Variants in CACNA1E observed in about 807,000 individuals in gnomAD.
CACNA1E encodes voltage-dependent R-type calcium channel subunit alpha-1E.
A neutral mutation model predicts 259.2 loss-of-function variants in CACNA1E; 40 were observed. That is an observed-to-expected ratio of 0.15 (90% CI 0.12 to 0.20). The LOEUF is 0.20. CACNA1E is among the 10% of genes least tolerant of loss of function. CACNA1E has a pLI of 1.00. For synonymous variants in CACNA1E, 1,104 were observed against 1,138.5 expected (o/e 0.97, Z 0.61); for missense variants, 1,874 against 3,040.1 (o/e 0.62, Z 9.02).
At chr1:181,751,991 G>A (rs911357563) in intron 26 of CACNA1E, 152 bp from the exon 27 acceptor site, 1 of 710,626 alleles carries the variant, frequency 1.4e-6, no homozygotes, top group South Asian at 1.5e-5. Context: ...GGATGTCCCT[G>A]GAGTCAAATC....
intron 21 of CACNA1E, among the ~76,000 whole-genome samples, chr1:181,735,414 C>T (rs1387965191): frequency 2.6e-5 from 4 of 152,196 alleles, no homozygotes; most frequent in Middle Eastern, 3.2e-3. Flanking sequence ...CCAGGACCAC[C>T]GAGGTCCACT....
At chr1:181,672,283 G>A (rs1251465162) in intron 7 of CACNA1E, among the ~76,000 whole-genome samples, 1 of 152,062 alleles carries the variant, frequency 6.6e-6, no homozygotes. Flanking sequence ...TAACTATTGG[G>A]TACTAAGTTT....
intron 6 of CACNA1E, among the ~76,000 whole-genome samples, chr1:181,634,541 CT>C (rs1657030666): frequency 6.6e-6 from 1 of 152,198 alleles, no homozygotes; most frequent in African/African-American, 2.4e-5. Context: ...GTCTAATTGG[CT>C]GTAAACTTGC....
intron 18 of CACNA1E, among the ~76,000 whole-genome samples, chr1:181,727,712 G>C (rs937869476): frequency 2.0e-5 from 3 of 152,196 alleles, no homozygotes; most frequent in African/African-American, 7.2e-5. Flanking sequence ...ATCGGGGCCT[G>C]CATGAGGACT....
intron 3 of CACNA1E, among the ~76,000 whole-genome samples, chr1:181,525,158 G>A (rs1304680365): frequency 6.6e-6 from 1 of 152,290 alleles, no homozygotes; most frequent in East Asian, 1.9e-4. Context: ...AAAAAACTGG[G>A]AATAAATGTG....
intron 2 of CACNA1E, among the ~76,000 whole-genome samples, chr1:181,455,336 A>G (rs1294849298): frequency 6.6e-6 from 1 of 152,176 alleles, no homozygotes; most frequent in Non-Finnish European, 1.5e-5. Flanking sequence ...AAGGACAAGG[A>G]CAAACACTGA....
At chr1:181,638,868 T>G (rs1311627205) in intron 6 of CACNA1E, among the ~76,000 whole-genome samples, 1 of 152,198 alleles carries the variant, frequency 6.6e-6, no homozygotes, top group Non-Finnish European at 1.5e-5. Flanking sequence ...CTACCATGAT[T>G]GTAAGTTTCC....
At chr1:181,701,758 T>C (rs954154450) in intron 7 of CACNA1E, among the ~76,000 whole-genome samples, 3 of 152,230 alleles carry the variant, frequency 2.0e-5, no homozygotes, top group Non-Finnish European at 4.4e-5. Context: ...TTTTCAATAT[T>C]CATAGTACAT....
At chr1:181,724,281 CCT>C (rs1463269051) in intron 16 of CACNA1E, among the ~76,000 whole-genome samples, 187 bp from the exon 17 acceptor site, 1 of 152,118 alleles carries the variant, frequency 6.6e-6, no homozygotes, top group Non-Finnish European at 1.5e-5. Context: ...GAAGAAATAT[CCT>C]CTTTCTCCTT....
intron 1 of CACNA1E, among the ~76,000 whole-genome samples, chr1:181,409,385 G>A (rs1657687845): frequency 6.6e-6 from 1 of 152,136 alleles, no homozygotes; most frequent in Admixed American, 6.5e-5. Flanking sequence ...TGGCCAAAAT[G>A]GTCACATGGC....
intron 2 of CACNA1E, among the ~76,000 whole-genome samples, chr1:181,460,539 T>G (rs1661732397): frequency 6.6e-6 from 1 of 152,194 alleles, no homozygotes. Context: ...TCATCACCTG[T>G]TGAACATAGA....
At chr1:181,391,481 T>C (rs1201186548) in intron 1 of CACNA1E, among the ~76,000 whole-genome samples, 1 of 152,036 alleles carries the variant, frequency 6.6e-6, no homozygotes, top group African/African-American at 2.4e-5. Context: ...ACCTGGAACC[T>C]ACTCAACCAT....
intron 6 of CACNA1E, among the ~76,000 whole-genome samples, chr1:181,600,632 G>A (rs11587378): frequency 0.39 from 58,796 of 151,924 alleles, 14,122 homozygotes; most frequent in East Asian, 0.67. Flanking sequence ...TGTTAATAGC[G>A]GTGCCATCTA....
chr1:181,532,591 A>G (rs1304843502), intron 3 of CACNA1E, among the ~76,000 whole-genome samples: 1 of 152,222 alleles, frequency 6.6e-6, no homozygotes, highest in East Asian at 1.9e-4. Flanking sequence ...AAGGTTCTCT[A>G]TGGGTGTATG....
At chr1:181,589,770 A>G (rs1316779275) in intron 6 of CACNA1E, among the ~76,000 whole-genome samples, 2 of 152,166 alleles carry the variant, frequency 1.3e-5, no homozygotes, top group Non-Finnish European at 2.9e-5. Flanking sequence ...CCATGTAGAA[A>G]TGTGAAAGCT....
chr1:181,776,046 T>A lies in CACNA1E; in HGVS notation c.5140-55T>A. The A allele has an allele frequency of 6.4e-7, 1 of 1,554,630 alleles. No homozygotes were observed. Among genetic ancestry groups the A allele is most frequent in the South Asian group, 1.2e-5 (1 of 82,780 alleles). On this transcript the variant is annotated intron_variant, in intron 37 of 47. Transcript: ENST00000367573. The surrounding 1 kb of genome is among the most constrained non-coding windows in gnomAD (Gnocchi z 4.4). ...ATGCCCTGAAGCCTGTTCTTCTGCT[T>A]CCTGAGCTCTGCTTTAGGTTTCCCC... is the stretch of plus-strand genomic sequence containing the variant.
chr1:181,458,573 G>A (rs1203084085), intron 2 of CACNA1E, among the ~76,000 whole-genome samples: 1 of 152,204 alleles, frequency 6.6e-6, no homozygotes. Flanking sequence ...GGATTTAGCT[G>A]TGAAAAGCCA....
At chr1:181,588,094 T>C (rs1652270815) in intron 6 of CACNA1E, among the ~76,000 whole-genome samples, 2 of 152,186 alleles carry the variant, frequency 1.3e-5, no homozygotes, top group South Asian at 2.1e-4. Flanking sequence ...CAGAGTAAGC[T>C]GTGACTCTGG....
rs116440776 is a variant in CACNA1E, at chr1:181,773,344, A to T, written c.5139+1113A>T. Among the ~76,000 whole-genome samples, 873 of 152,340 alleles carry T rather than the reference A, an allele frequency of 5.7e-3. 9 individuals are homozygous for T. The highest frequency in any genetic ancestry group is 0.02 in the African/African-American group (842 of 41,562). The stretch of plus-strand genomic sequence containing the variant: ...CTTTGTTCCTCTGCTAGCCTGGGCC[A>T]AGACACTTTCCCTTTTATAGCATCT... On this transcript the variant is annotated intron_variant, in intron 37 of 47. Transcript: ENST00000367573.
Sources: gnomAD v4.1 joint callset for allele counts (sites outside exome capture counted in the v4.1 genomes callset) on GRCh38, gnomAD v4.1.1 for gene constraint, Gnocchi (gnomAD v3.1) non-coding constraint, MANE v1.5 for transcripts, NCBI Gene and HGNC (gene_info 2026-07-23, HGNC 2026-07-21) for gene names.